The following EEIG2 variants were observed in gnomAD, a reference collection of about 807,000 sequenced individuals.
EEIG2 encodes EEIG family member 2, also known as family with sequence similarity 102 member B.
the EEIG2 span, among the ~76,000 whole-genome samples, chr1:108,593,980 A>AT: frequency 1.3e-5 from 2 of 151,444 alleles, no homozygotes; most frequent in South Asian, 4.2e-4. Flanking sequence ...TAATTTTTAT[A>AT]TTTTTTTTGT....
chr1:108,594,922 C>T, the EEIG2 span, among the ~76,000 whole-genome samples: 1 of 152,082 alleles, frequency 6.6e-6, no homozygotes, highest in Non-Finnish European at 1.5e-5. Context: ...ATGTTGGCTT[C>T]CTCCACTCTC....
At chr1:108,599,827 TA>T in the EEIG2 span, among the ~76,000 whole-genome samples, 1 of 152,106 alleles carries the variant, frequency 6.6e-6, no homozygotes, top group Non-Finnish European at 1.5e-5. Context: ...CCCTGTCTCT[TA>T]AAAACACAAA....
At chr1:108,592,539 A>G in the EEIG2 span, among the ~76,000 whole-genome samples, 1 of 152,180 alleles carries the variant, frequency 6.6e-6, no homozygotes, top group African/African-American at 2.4e-5. Context: ...TTGTCAGTCT[A>G]CTACTTGGGA....
chr1:108,585,573 C>T, the EEIG2 span, among the ~76,000 whole-genome samples: 1 of 152,206 alleles, frequency 6.6e-6, no homozygotes, highest in South Asian at 2.1e-4. Flanking sequence ...CACTACAGTC[C>T]TTTTATATAC....
the EEIG2 span, among the ~76,000 whole-genome samples, chr1:108,581,316 C>T: frequency 3.2e-3 from 482 of 152,120 alleles, no homozygotes; most frequent in Non-Finnish European, 4.5e-3. Flanking sequence ...TGTTTTCATG[C>T]CTGCTAAAAC....
chr1:108,579,758 T>TGAGAGA, the EEIG2 span, among the ~76,000 whole-genome samples: 1 of 36,206 alleles, frequency 2.8e-5, no homozygotes, highest in Non-Finnish European at 6.8e-5. Context: ...TGTGTGTGTG[T>TGAGAGA]GTGTGTGTGT....
chr1:108,613,590 T>C, the EEIG2 span, among the ~76,000 whole-genome samples: 2 of 152,094 alleles, frequency 1.3e-5, no homozygotes, highest in Admixed American at 1.3e-4. Context: ...ACACCGTCTC[T>C]CCCACTTTGT....
At chr1:108,635,273 G>A in the EEIG2 span, 1 of 1,314,186 alleles carries the variant, frequency 7.6e-7, no homozygotes, top group Non-Finnish European at 1.1e-6. Flanking sequence ...AGCCAATGCT[G>A]GTTTCTTCTC....
chr1:108,618,907 T>C, the EEIG2 span, among the ~76,000 whole-genome samples: 85 of 152,294 alleles, frequency 5.6e-4, no homozygotes, highest in African/African-American at 2.0e-3. Flanking sequence ...CTGTGCTGTC[T>C]TCTGATAAAC....
At chr1:108,606,493 G>A in the EEIG2 span, among the ~76,000 whole-genome samples, 1 of 152,152 alleles carries the variant, frequency 6.6e-6, no homozygotes, top group Non-Finnish European at 1.5e-5. Flanking sequence ...TCTCTAGTTT[G>A]CATTAAGCCA....
the EEIG2 span, among the ~76,000 whole-genome samples, chr1:108,606,479 A>G: frequency 1.3e-5 from 2 of 152,218 alleles, no homozygotes; most frequent in Non-Finnish European, 2.9e-5. Context: ...CTGCTAGAGG[A>G]TGATCTCTAG....
the EEIG2 span, chr1:108,638,144 C>T: frequency 2.6e-5 from 4 of 152,130 alleles, no homozygotes; most frequent in South Asian, 2.1e-4. Context: ...GTGGCGCAAT[C>T]GTTGCTCACT....
the EEIG2 span, among the ~76,000 whole-genome samples, chr1:108,615,277 G>A: frequency 6.6e-6 from 1 of 152,106 alleles, no homozygotes; most frequent in Admixed American, 6.5e-5. Flanking sequence ...TAGGAATACT[G>A]AAAATTAAAG....
the EEIG2 span, among the ~76,000 whole-genome samples, chr1:108,579,785 G>GAGAGAGAGAGAGAGAGAGAC: frequency 6.7e-6 from 1 of 149,244 alleles, no homozygotes; most frequent in African/African-American, 2.5e-5. Context: ...GAGAGAGAGA[G>GAGAGAGAGAGAGAGAGAGAC]AGAGAGAGAG....
the EEIG2 span, chr1:108,626,724 C>T: frequency 2.6e-5 from 4 of 152,344 alleles, no homozygotes; most frequent in African/African-American, 9.6e-5. Context: ...CAACAGGCAT[C>T]TACTCATCTT....
At chr1:108,625,236 A>G in the EEIG2 span, 1 of 152,746 alleles carries the variant, frequency 6.5e-6, no homozygotes, top group Non-Finnish European at 1.5e-5. Context: ...TGTATCACTA[A>G]GGCATTCCCA....
chr1:108,589,489 A>T, the EEIG2 span, among the ~76,000 whole-genome samples: 1 of 152,020 alleles, frequency 6.6e-6, no homozygotes, highest in Middle Eastern at 3.4e-3. Flanking sequence ...TCATTGCTAA[A>T]TTTTTTTTAG....
the EEIG2 span, among the ~76,000 whole-genome samples, chr1:108,585,072 T>A: frequency 1.3e-5 from 2 of 152,152 alleles, no homozygotes; most frequent in African/African-American, 4.8e-5. Flanking sequence ...ACAGATAATA[T>A]GCATTTGTAA....
the EEIG2 span, among the ~76,000 whole-genome samples, chr1:108,598,390 T>A: frequency 6.6e-6 from 1 of 151,518 alleles, no homozygotes; most frequent in Non-Finnish European, 1.5e-5. Context: ...TTATTTTTAT[T>A]ACTATTCACA....
Sources: allele counts gnomAD v4.1 joint callset (sites outside exome capture counted in the v4.1 genomes callset), GRCh38; gene constraint gnomAD v4.1.1; transcripts MANE v1.5; gene names NCBI Gene and HGNC (gene_info 2026-07-23, HGNC 2026-07-21).